Variants in SLC35D4 observed in about 807,000 individuals in gnomAD.
SLC35D4 encodes UDP-N-acetylglucosamine transporter SLC35D4.
chr18:23,256,291 T>C, the SLC35D4 span, among the ~76,000 whole-genome samples: 1 of 152,142 alleles, frequency 6.6e-6, no homozygotes, highest in Non-Finnish European at 1.5e-5. Flanking sequence ...CCCCTCTAGT[T>C]GGGTGGGCAC....
chr18:23,352,213 A>G, the SLC35D4 span: 3 of 1,611,820 alleles, frequency 1.9e-6, no homozygotes, highest in African/African-American at 2.7e-5. Flanking sequence ...AAGAAAATCC[A>G]GGCTGCACAC....
At chr18:23,400,653 A>C in the SLC35D4 span, among the ~76,000 whole-genome samples, 5 of 152,282 alleles carry the variant, frequency 3.3e-5, no homozygotes, top group African/African-American at 1.2e-4. Context: ...AAGCATATTC[A>C]ATCTACTAAT....
At chr18:23,385,176 C>G in the SLC35D4 span, 8 of 990,884 alleles carry the variant, frequency 8.1e-6, no homozygotes, top group South Asian at 1.2e-4. Flanking sequence ...TTTTGGCATC[C>G]ACATATATAA....
At chr18:23,402,086 G>A in the SLC35D4 span, among the ~76,000 whole-genome samples, 3 of 152,290 alleles carry the variant, frequency 2.0e-5, no homozygotes, top group African/African-American at 7.2e-5. Context: ...CACACTCATG[G>A]CACTTCAGAC....
the SLC35D4 span, among the ~76,000 whole-genome samples, chr18:23,294,474 G>A: frequency 6.6e-6 from 1 of 152,262 alleles, no homozygotes; most frequent in East Asian, 1.9e-4. Flanking sequence ...AGAAACTGAC[G>A]GAAACTGATA....
At chr18:23,256,441 T>C in the SLC35D4 span, among the ~76,000 whole-genome samples, 1 of 152,226 alleles carries the variant, frequency 6.6e-6, no homozygotes, top group Non-Finnish European at 1.5e-5. Flanking sequence ...CCTTCTGAAC[T>C]TACCACGTGG....
At chr18:23,411,547 A>AAGAG in the SLC35D4 span, among the ~76,000 whole-genome samples, 1 of 147,508 alleles carries the variant, frequency 6.8e-6, no homozygotes. Flanking sequence ...GAAAGAAAGA[A>AAGAG]AGAAAGGTGT....
chr18:23,365,533 G>C, the SLC35D4 span: 3 of 1,378,004 alleles, frequency 2.2e-6, no homozygotes, highest in South Asian at 4.1e-5. Context: ...ATCCTGGGGG[G>C]CAATGACATG....
the SLC35D4 span, among the ~76,000 whole-genome samples, chr18:23,339,473 G>A: frequency 2.6e-5 from 4 of 152,158 alleles, no homozygotes; most frequent in Non-Finnish European, 4.4e-5. Context: ...TTAGCATTTA[G>A]TCTTGAATAC....
the SLC35D4 span, among the ~76,000 whole-genome samples, chr18:23,321,922 G>C: frequency 3.3e-5 from 5 of 152,200 alleles, no homozygotes; most frequent in Non-Finnish European, 7.3e-5. Flanking sequence ...TCGGATACAG[G>C]GTTTCAGATA....
At chr18:23,253,820 G>C in the SLC35D4 span, 3 of 1,614,114 alleles carry the variant, frequency 1.9e-6, no homozygotes, top group African/African-American at 2.7e-5. Flanking sequence ...TGAAAAGCTC[G>C]CCCTCAAGGG....
the SLC35D4 span, chr18:23,257,523 G>A: frequency 1.2e-6 from 1 of 809,184 alleles, no homozygotes; most frequent in Non-Finnish European, 1.8e-6. Context: ...ACTTTCCAAG[G>A]AGTCTTGGGT....
the SLC35D4 span, chr18:23,356,583 C>G: frequency 6.2e-7 from 1 of 1,613,972 alleles, no homozygotes; most frequent in Non-Finnish European, 8.5e-7. This position sits in a 1 kb window ranked among gnomAD's most constrained non-coding sequence, Gnocchi z 4.1. Flanking sequence ...AATGAGTGAG[C>G]TTACGATTAC....
the SLC35D4 span, among the ~76,000 whole-genome samples, chr18:23,252,641 C>T: frequency 7.8e-3 from 1,191 of 152,272 alleles, 12 homozygotes; most frequent in African/African-American, 0.026. Context: ...GCGCTTAAGC[C>T]CCATACCGTG....
the SLC35D4 span, chr18:23,297,166 A>G: frequency 6.6e-6 from 1 of 152,234 alleles, no homozygotes; most frequent in African/African-American, 2.4e-5. Flanking sequence ...AGATTTAACC[A>G]TTCCCAAAGC....
the SLC35D4 span, among the ~76,000 whole-genome samples, chr18:23,374,673 T>C: frequency 6.6e-6 from 1 of 151,918 alleles, no homozygotes; most frequent in Non-Finnish European, 1.5e-5. Context: ...TTAGTAGAGG[T>C]GGGGTTTCTC....
the SLC35D4 span, among the ~76,000 whole-genome samples, chr18:23,271,225 C>G: frequency 6.6e-6 from 1 of 152,222 alleles, no homozygotes; most frequent in Non-Finnish European, 1.5e-5. Flanking sequence ...GTGAGACATG[C>G]CTTGTTCCTC....
chr18:23,407,577 T>TCA, the SLC35D4 span, among the ~76,000 whole-genome samples: 140 of 151,060 alleles, frequency 9.3e-4, no homozygotes, highest in East Asian at 5.0e-3. Context: ...TCTCTTTATC[T>TCA]CACACACACA....
chr18:23,249,811 C>T, the SLC35D4 span, among the ~76,000 whole-genome samples: 138 of 152,148 alleles, frequency 9.1e-4, 1 homozygote, highest in Non-Finnish European at 1.4e-3. Flanking sequence ...TGGTGAGAGC[C>T]CTTGTCTAGG....
Sources: allele counts gnomAD v4.1 joint callset (sites outside exome capture counted in the v4.1 genomes callset), GRCh38; gene constraint gnomAD v4.1.1; non-coding constraint Gnocchi (gnomAD v3.1); transcripts MANE v1.5; gene names NCBI Gene and HGNC (gene_info 2026-07-23, HGNC 2026-07-21).